Variants in RPS6KA2 observed in about 807,000 individuals in gnomAD.
The protein encoded by RPS6KA2 is ribosomal protein S6 kinase A2.
In RPS6KA2, 42 loss-of-function variants were observed where a neutral mutation model predicts 91.8. That is an observed-to-expected ratio of 0.46 (90% CI 0.36 to 0.59). The LOEUF (loss-of-function observed/expected upper bound fraction) is 0.59. Among genes scored for constraint, RPS6KA2 ranks in the 20% least tolerant of loss-of-function variants. RPS6KA2 has a pLI of 0.00. For synonymous variants in RPS6KA2, 414 were observed against 393.6 expected (o/e 1.05, Z -0.61); for missense variants, 798 against 978.5 (o/e 0.82, Z 2.46).
Position 166,732,002 on chromosome 6 carries a change from G to T in RPS6KA2, c.123+126198C>A, listed in dbSNP as rs934537821. On this transcript the variant is annotated intron_variant, in intron 2 of 21. Coordinates refer to the RPS6KA2 transcript ENST00000503859. This position sits in a 1 kb window ranked among gnomAD's most constrained non-coding sequence, Gnocchi z 4.0. ...TCAAAGTACAAAAGTAGATGGAAAG[G>T]CCTCATAGAAATTTTTTATTAGTGG... Among the ~76,000 whole-genome samples the T allele has an allele frequency of 1.3e-5, 2 of 152,130 alleles. No homozygotes were observed. Among genetic ancestry groups the T allele is most frequent in the Non-Finnish European group, 2.9e-5 (2 of 68,026 alleles).
chr6:166,862,612 T>G, upstream of RPS6KA2: 1 of 207,054 alleles, frequency 4.8e-6, no homozygotes, highest in Admixed American at 5.2e-5. Flanking sequence ...CCCCTCACTA[T>G]TTTACCTTAA....
chr6:166,810,669 G>A (rs577651508), intron 2 of RPS6KA2, among the ~76,000 whole-genome samples: 17 of 152,316 alleles, frequency 1.1e-4, no homozygotes, highest in African/African-American at 3.4e-4. Flanking sequence ...GGGTTAACCC[G>A]AGTCTAGGTC....
At chr6:166,480,524 T>A (rs1381601322) in intron 10 of RPS6KA2, among the ~76,000 whole-genome samples, 31 of 136,086 alleles carry the variant, frequency 2.3e-4, no homozygotes, top group African/African-American at 4.4e-4. Flanking sequence ...TAATATATTT[T>A]TTTTTTTTGA....
intron 19 of RPS6KA2, among the ~76,000 whole-genome samples, chr6:166,417,837 G>A (rs1254710804): frequency 1.3e-5 from 2 of 152,078 alleles, no homozygotes; most frequent in African/African-American, 4.8e-5. Context: ...AGGCTGAGGT[G>A]GGTGGATCAC....
chr6:166,528,084 T>C (rs1368914293), intron 3 of RPS6KA2, among the ~76,000 whole-genome samples: 1 of 152,178 alleles, frequency 6.6e-6, no homozygotes, highest in Non-Finnish European at 1.5e-5. Context: ...AGTGGACCAG[T>C]GAGGTCGCAT....
rs56161135 is a variant in RPS6KA2 at position 166,829,989 on chromosome 6, A to T, written c.123+28211T>A. On this transcript the variant is annotated intron_variant, in intron 2 of 21. Transcript: ENST00000503859. ...TTTAATACAAAAACTATCTGGGCGT[A>T]GTGGTGGGCGCCTGTAATCCCAGCT... Among the ~76,000 whole-genome samples the T allele has an allele frequency of 9.4e-3, 1,418 of 151,484 alleles. 12 individuals are homozygous for T. Among genetic ancestry groups the T allele is most frequent in the African/African-American group, 0.032 (1,341 of 41,286 alleles).
chr6:166,442,641 C>T (rs918820159), intron 14 of RPS6KA2, among the ~76,000 whole-genome samples: 14 of 152,122 alleles, frequency 9.2e-5, no homozygotes, highest in African/African-American at 2.7e-4. Context: ...CTTCAGTTCT[C>T]GGGCAGTTTC....
At chr6:166,773,636 G>C (rs1040516980) in intron 2 of RPS6KA2, among the ~76,000 whole-genome samples, 4 of 152,178 alleles carry the variant, frequency 2.6e-5, no homozygotes, top group Admixed American at 2.6e-4. Flanking sequence ...CTGACCTCAG[G>C]TGATCTGCCT....
intron 2 of RPS6KA2, among the ~76,000 whole-genome samples, chr6:166,688,221 C>A (rs534002797): frequency 1.5e-3 from 231 of 152,240 alleles, no homozygotes; most frequent in Non-Finnish European, 2.8e-3. Flanking sequence ...GCTCTGCCTG[C>A]CTCCGAGGTC....
In RPS6KA2 at chr6:166,513,226, T is replaced by C. The variant is rs150956927; in HGVS notation, c.299-2869A>G. 5.2e-4 allele frequency among the ~76,000 whole-genome samples: 79 copies of C among 152,260 alleles called. 5 individuals are homozygous for C. The East Asian group carries it at 0.014, about 28-fold the overall frequency. ...CCTTAGAGTCTAGACAGGCATCGAG[T>C]AGGCACCCAGCAGGCAGTGCTGTGG... On this transcript the variant is annotated intron_variant, in intron 3 of 20. Transcript: ENST00000265678.
intron 5 of RPS6KA2, 85 bp from the exon 6 acceptor site, chr6:166,504,697 A>G (rs1183438567): frequency 1.1e-6 from 1 of 939,714 alleles, no homozygotes; most frequent in Non-Finnish European, 1.6e-6. Context: ...TGCCAGAGAG[A>G]CTGAGAGTCC....
chr6:166,798,186 T>C (rs1779272542), intron 2 of RPS6KA2, among the ~76,000 whole-genome samples: 1 of 152,228 alleles, frequency 6.6e-6, no homozygotes, highest in African/African-American at 2.4e-5. Flanking sequence ...AACAATGGAA[T>C]TTGCTGGTCA....
At chr6:166,744,955 C>A (rs149129947) in intron 2 of RPS6KA2, among the ~76,000 whole-genome samples, 1 of 152,028 alleles carries the variant, frequency 6.6e-6, no homozygotes, top group South Asian at 2.1e-4. Flanking sequence ...GCTCAGGCTG[C>A]GTAACAAATA....
At chr6:166,441,666 G>GCAGC (rs1779521994) in intron 14 of RPS6KA2, among the ~76,000 whole-genome samples, 1 of 152,258 alleles carries the variant, frequency 6.6e-6, no homozygotes, top group Non-Finnish European at 1.5e-5. Flanking sequence ...GCGGCTCACT[G>GCAGC]CAGCGCCCAG....
intron 2 of RPS6KA2, among the ~76,000 whole-genome samples, chr6:166,791,180 A>C (rs1250002003): frequency 6.6e-6 from 1 of 152,246 alleles, no homozygotes; most frequent in Non-Finnish European, 1.5e-5. Context: ...TCTACCAAGC[A>C]AATGGAAAAC....
chr6:166,600,730 C>T (rs1336942677), intron 1 of RPS6KA2, among the ~76,000 whole-genome samples: 1 of 152,104 alleles, frequency 6.6e-6, no homozygotes, highest in Non-Finnish European at 1.5e-5. Flanking sequence ...CTGCATGTAG[C>T]GTATTTGAAG....
chr6:166,664,826 C>T (rs188773948), intron 2 of RPS6KA2, among the ~76,000 whole-genome samples: 51 of 152,300 alleles, frequency 3.3e-4, no homozygotes, highest in Middle Eastern at 3.4e-3. Context: ...GATGATACAA[C>T]GGATGAGGCC....
chr6:166,521,108 G>A (rs1465934715), intron 3 of RPS6KA2, among the ~76,000 whole-genome samples: 3 of 152,260 alleles, frequency 2.0e-5, no homozygotes, highest in Non-Finnish European at 4.4e-5. Context: ...CCTTCTGGAG[G>A]GAGCAGGTGG....
intron 2 of RPS6KA2, among the ~76,000 whole-genome samples, chr6:166,750,778 A>G (rs1279372345): frequency 6.6e-6 from 1 of 152,216 alleles, no homozygotes; most frequent in South Asian, 2.1e-4. Flanking sequence ...CATACTGAGG[A>G]GGTCAGGAAC....
Sources: allele counts gnomAD v4.1 joint callset (sites outside exome capture counted in the v4.1 genomes callset), GRCh38; gene constraint gnomAD v4.1.1; non-coding constraint Gnocchi (gnomAD v3.1); transcripts MANE v1.5; gene names NCBI Gene and HGNC (gene_info 2026-07-23, HGNC 2026-07-21).